The following ITFG1 variants were observed in gnomAD, a reference collection of about 807,000 sequenced individuals.
The protein encoded by ITFG1 is integrin alpha FG-GAP repeat containing 1.
A neutral mutation model predicts 81.8 loss-of-function variants in ITFG1; 34 were observed. That is an observed-to-expected ratio of 0.42 (90% CI 0.32 to 0.55). The LOEUF is 0.55. ITFG1 is among the 20% of genes least tolerant of loss of function. The pLI, the probability that ITFG1 is intolerant of heterozygous loss-of-function variation, is 0.17. For synonymous variants in ITFG1, 285 were observed against 270.6 expected (o/e 1.05, Z -0.52); for missense variants, 672 against 755.4 (o/e 0.89, Z 1.29).
At chr16:47,371,862 T>A (rs1567477672) in intron 7 of ITFG1, among the ~76,000 whole-genome samples, 2 of 151,208 alleles carry the variant, frequency 1.3e-5, no homozygotes, top group Non-Finnish European at 2.9e-5. Context: ...GTGCCAACGC[T>A]GAAAAATTCT....
chr16:47,311,489 A>G, intron 9 of ITFG1, 77 bp from the exon 10 acceptor site: 2 of 1,144,072 alleles, frequency 1.7e-6, no homozygotes, highest in Non-Finnish European at 2.4e-6. Flanking sequence ...CAAACGATCC[A>G]TTAAGTTTTC....
chr16:47,174,833 T>C (rs1311420601), intron 14 of ITFG1, among the ~76,000 whole-genome samples: 1 of 152,230 alleles, frequency 6.6e-6, no homozygotes, highest in Non-Finnish European at 1.5e-5. Context: ...CTGAAAGGTT[T>C]TAAACCACAA....
At chr16:47,263,896 A>C (rs998172456) in intron 10 of ITFG1, among the ~76,000 whole-genome samples, 14 of 152,146 alleles carry the variant, frequency 9.2e-5, no homozygotes, top group Admixed American at 5.2e-4. Flanking sequence ...CAGTTCTTTA[A>C]AATTCTACAG....
At chr16:47,386,690 T>C (rs1243727001) in intron 6 of ITFG1, among the ~76,000 whole-genome samples, 2 of 152,208 alleles carry the variant, frequency 1.3e-5, no homozygotes, top group African/African-American at 2.4e-5. Context: ...GTTCTGATCC[T>C]AAAGCAGGGA....
intron 8 of ITFG1, among the ~76,000 whole-genome samples, chr16:47,355,816 A>T: frequency 6.6e-6 from 1 of 152,148 alleles, no homozygotes; most frequent in East Asian, 1.9e-4. Context: ...CTAGAATTAT[A>T]GATATACATA....
chr16:47,272,700 T>C (rs1284473076), intron 10 of ITFG1, among the ~76,000 whole-genome samples: 1 of 151,870 alleles, frequency 6.6e-6, no homozygotes, highest in South Asian at 2.1e-4. Context: ...CCAGCCTGAA[T>C]ACACTTTTAA....
chr16:47,212,683 A>G (rs1965577961), intron 14 of ITFG1, among the ~76,000 whole-genome samples: 2 of 152,344 alleles, frequency 1.3e-5, no homozygotes, highest in South Asian at 4.1e-4. Context: ...GTGTTTTTCA[A>G]GAAGTTTGTC....
chr16:47,342,435 A>G (rs1967796615), intron 8 of ITFG1, among the ~76,000 whole-genome samples: 1 of 152,126 alleles, frequency 6.6e-6, no homozygotes, highest in African/African-American at 2.4e-5. Context: ...ATTCCCCCTA[A>G]GTTCAGGAAG....
intron 12 of ITFG1, among the ~76,000 whole-genome samples, chr16:47,252,819 C>T (rs779829932): frequency 2.0e-5 from 3 of 152,036 alleles, no homozygotes; most frequent in Non-Finnish European, 2.9e-5. Context: ...TGGACATTGC[C>T]GATGGCTGTG....
intron 14 of ITFG1, among the ~76,000 whole-genome samples, chr16:47,194,166 A>G (rs1965327503): frequency 1.3e-5 from 2 of 152,222 alleles, no homozygotes; most frequent in African/African-American, 2.4e-5. Context: ...CTTCTGGTCC[A>G]TGCATACCAA....
intron 6 of ITFG1, among the ~76,000 whole-genome samples, chr16:47,402,974 A>C (rs1001800915): frequency 6.6e-6 from 1 of 152,192 alleles, no homozygotes; most frequent in African/African-American, 2.4e-5. Flanking sequence ...CACTATTATA[A>C]TAAGAAAAAT....
At chr16:47,206,634 C>T (rs1015785318) in intron 14 of ITFG1, among the ~76,000 whole-genome samples, 1 of 152,214 alleles carries the variant, frequency 6.6e-6, no homozygotes, top group Non-Finnish European at 1.5e-5. Context: ...CAAAAATGGC[C>T]TTTTGTTTGT....
intron 12 of ITFG1, among the ~76,000 whole-genome samples, chr16:47,245,335 G>A (rs1965988175): frequency 6.6e-6 from 1 of 151,208 alleles, no homozygotes; most frequent in Non-Finnish European, 1.5e-5. Flanking sequence ...GGCAACAAGA[G>A]CAAAACTCTG....
chr16:47,253,723 A>C (rs760053017), intron 12 of ITFG1, among the ~76,000 whole-genome samples: 116 of 152,184 alleles, frequency 7.6e-4, no homozygotes, highest in Non-Finnish European at 1.4e-3. Context: ...TGCTCCTATG[A>C]GAATCTAATG....
chr16:47,169,887 T>C (rs758734949), intron 14 of ITFG1, among the ~76,000 whole-genome samples: 4 of 152,208 alleles, frequency 2.6e-5, no homozygotes, highest in Non-Finnish European at 5.9e-5. Flanking sequence ...AGTGTTTTAA[T>C]TATAAAAGGA....
At chr16:47,367,400 TC>T (rs902557802) in intron 7 of ITFG1, among the ~76,000 whole-genome samples, 3 of 152,194 alleles carry the variant, frequency 2.0e-5, no homozygotes, top group African/African-American at 7.2e-5. Flanking sequence ...GGGCTAAAAG[TC>T]CCAATCCTCT....
At chr16:47,326,678 A>T (rs1450137442) in intron 8 of ITFG1, among the ~76,000 whole-genome samples, 3 of 152,002 alleles carry the variant, frequency 2.0e-5, no homozygotes, top group East Asian at 1.9e-4. Context: ...TATACACCAA[A>T]AACAGACAAA....
At chr16:47,326,132 A>C (rs1037119746) in intron 8 of ITFG1, among the ~76,000 whole-genome samples, 6 of 152,242 alleles carry the variant, frequency 3.9e-5, no homozygotes, top group African/African-American at 4.8e-5. Context: ...ACCATGATCA[A>C]GTGGGCATCA....
At chr16:47,362,664 A>G (rs1056745390) in intron 8 of ITFG1, among the ~76,000 whole-genome samples, 1 of 152,146 alleles carries the variant, frequency 6.6e-6, no homozygotes, top group Admixed American at 6.5e-5. Flanking sequence ...CCAGTACAAA[A>G]TCTCACCACT....
Sources: gnomAD v4.1 joint callset for allele counts (sites outside exome capture counted in the v4.1 genomes callset) on GRCh38, gnomAD v4.1.1 for gene constraint, MANE v1.5 for transcripts, NCBI Gene and HGNC (gene_info 2026-07-23, HGNC 2026-07-21) for gene names.